Variants in PRTFDC1 observed in about 807,000 individuals in gnomAD.
PRTFDC1 encodes the protein phosphoribosyltransferase domain-containing protein 1.
PRTFDC1 carries 38 observed loss-of-function variants against 34.6 expected under a neutral mutation model. The ratio of observed to expected loss-of-function variants is 1.10; its 90% CI spans 0.85 to 1.44. The LOEUF (loss-of-function observed/expected upper bound fraction) is 1.44, where lower values mean the gene tolerates loss of function less well. Among genes scored for constraint, PRTFDC1 ranks in the 40% most tolerant of loss-of-function variants. The pLI, the probability that PRTFDC1 is intolerant of heterozygous loss-of-function variation, is 0.00. For synonymous variants in PRTFDC1, 93 were observed against 98.1 expected (o/e 0.95, Z 0.31); for missense variants, 270 against 283.0 (o/e 0.95, Z 0.33).
chr10:24,874,669 TTA>T (rs1418145021), intron 3 of PRTFDC1, among the ~76,000 whole-genome samples: 1 of 152,228 alleles, frequency 6.6e-6, no homozygotes, highest in African/African-American at 2.4e-5. Flanking sequence ...AAGTCATAGA[TTA>T]TGTTACCAAG....
intron 4 of PRTFDC1, among the ~76,000 whole-genome samples, chr10:24,866,400 G>C (rs1847778124): frequency 6.6e-6 from 1 of 151,224 alleles, no homozygotes; most frequent in African/African-American, 2.4e-5. Flanking sequence ...ACTTATTTGA[G>C]GGCAGGTTTG....
In PRTFDC1 at chr10:24,935,077, G is replaced by A. The variant is rs116494057; in HGVS notation, c.339+2107C>T. Among the ~76,000 whole-genome samples the A allele has an allele frequency of 3.8e-3, 578 of 152,278 alleles. 2 individuals carry two copies. The highest frequency in any genetic ancestry group is 0.013 in the African/African-American group (533 of 41,552). On this transcript the variant is annotated intron_variant, in intron 3 of 8. Coordinates refer to ENST00000320152, the MANE Select transcript of PRTFDC1 (RefSeq NM_020200.7). Reference sequence around the variant, plus strand: ...AGGAGGTTGACTGTGAAGGACACAAGGACATTCTTTGCATTGTTAAGGAAA... The same window carrying A: ...AGGAGGTTGACTGTGAAGGACACAAAGACATTCTTTGCATTGTTAAGGAAA...
At position 24,875,225 on chromosome 10, in the gene PRTFDC1, A is replaced by C. The variant is rs186458473; in HGVS notation, c.340-3162T>G. On this transcript the variant is annotated intron_variant, in intron 3 of 8. Coordinates refer to ENST00000320152, the MANE Select transcript of PRTFDC1 (RefSeq NM_020200.7). ...GAATGATCAGATAAGGCTAATTAGCATATCCAACACTTCAGATATTTATCA... is the reference window on the plus strand; with the variant it reads ...GAATGATCAGATAAGGCTAATTAGCCTATCCAACACTTCAGATATTTATCA... Among the ~76,000 whole-genome samples the C allele has an allele frequency of 2.6e-3, 391 of 152,358 alleles. 1 individual carries two copies. Among genetic ancestry groups the C allele is most frequent in the African/African-American group, 8.4e-3 (348 of 41,594 alleles).
intron 3 of PRTFDC1, among the ~76,000 whole-genome samples, chr10:24,899,531 G>C (rs1027541778): frequency 2.0e-5 from 3 of 152,052 alleles, no homozygotes; most frequent in Non-Finnish European, 4.4e-5. Flanking sequence ...CAAAACTTAG[G>C]GGGTGGGAAT....
At chr10:24,899,172 A>G (rs1327465782) in intron 3 of PRTFDC1, among the ~76,000 whole-genome samples, 2 of 152,120 alleles carry the variant, frequency 1.3e-5, no homozygotes, top group Non-Finnish European at 2.9e-5. Flanking sequence ...CTCCTATGAG[A>G]GCAGTGGAGT....
chr10:24,889,012 G>A (rs141739889), intron 3 of PRTFDC1, among the ~76,000 whole-genome samples: 174 of 152,224 alleles, frequency 1.1e-3, no homozygotes, highest in African/African-American at 3.8e-3. Flanking sequence ...TGGTCTGAAT[G>A]TTTGTTACCC....
chr10:24,896,456 G>A lies in PRTFDC1; in HGVS notation c.340-24393C>T, dbSNP rs1438736645. Among the ~76,000 whole-genome samples the A allele has an allele frequency of 2.0e-5, 3 of 152,318 alleles. No individual in the cohort carries two copies. The East Asian group carries it at 5.8e-4, about 29-fold the overall frequency. On this transcript the variant is annotated intron_variant, in intron 3 of 8. Transcript: ENST00000320152. ...AGGTCGGGGACTGCTCTTCTAGAGG[G>A]TGCTTCCCCAAGTCTTTAATTAGGA...
chr10:24,930,121 A>ATTATGCC (rs1848949273), intron 3 of PRTFDC1, among the ~76,000 whole-genome samples: 1 of 152,068 alleles, frequency 6.6e-6, no homozygotes, highest in Non-Finnish European at 1.5e-5. Context: ...GGACTGCTGA[A>ATTATGCC]TTATGCCTGT....
At chr10:24,880,555 A>G (rs1042140497) in intron 3 of PRTFDC1, among the ~76,000 whole-genome samples, 1 of 152,246 alleles carries the variant, frequency 6.6e-6, no homozygotes, top group African/African-American at 2.4e-5. Context: ...TTCACACAGC[A>G]GATAACACAT....
At chr10:24,935,805 A>G (rs1285267049) in intron 3 of PRTFDC1, among the ~76,000 whole-genome samples, 1 of 152,244 alleles carries the variant, frequency 6.6e-6, no homozygotes, top group Non-Finnish European at 1.5e-5. Flanking sequence ...CTGTGGGGTA[A>G]TTGATGCAAA....
intron 3 of PRTFDC1, among the ~76,000 whole-genome samples, chr10:24,934,244 GAAGGAGAAGAAGA>G (rs1564317696): frequency 4.2e-5 from 6 of 141,256 alleles, no homozygotes; most frequent in East Asian, 2.1e-4. Flanking sequence ...AGAAGAAGAA[GAAGGAGAAGAAGA>G]AGAAGAAGAA....
chr10:24,891,011 C>T (rs1848251420), intron 3 of PRTFDC1, among the ~76,000 whole-genome samples: 1 of 152,164 alleles, frequency 6.6e-6, no homozygotes, highest in African/African-American at 2.4e-5. Context: ...AGGGAGGACC[C>T]ATTTGGGAAC....
intron 4 of PRTFDC1, among the ~76,000 whole-genome samples, chr10:24,860,453 T>C (rs1847661088): frequency 6.6e-6 from 1 of 152,186 alleles, no homozygotes; most frequent in African/African-American, 2.4e-5. Flanking sequence ...CAAGATTTAA[T>C]TAATAAAAAT....
intron 2 of PRTFDC1, among the ~76,000 whole-genome samples, chr10:24,938,833 G>A (rs1381225975): frequency 1.3e-5 from 2 of 152,162 alleles, no homozygotes; most frequent in African/African-American, 2.4e-5. Context: ...TCAGGGGAAA[G>A]TAAACATCGA....
intron 3 of PRTFDC1, among the ~76,000 whole-genome samples, chr10:24,916,444 G>T (rs144877980): frequency 1.9e-4 from 29 of 152,292 alleles, no homozygotes; most frequent in Non-Finnish European, 4.0e-4. Context: ...ACAGTGGCCT[G>T]ACAGAATCTA....
intron 1 of PRTFDC1, among the ~76,000 whole-genome samples, chr10:24,951,225 C>G (rs1038243402): frequency 6.6e-6 from 1 of 152,086 alleles, no homozygotes; most frequent in Admixed American, 6.6e-5. Context: ...GCATCACTCC[C>G]CCCTTCTCCT....
At chr10:24,855,478 C>G (rs1226602240) in intron 6 of PRTFDC1, 114 bp from the exon 7 acceptor site, 1 of 1,226,766 alleles carries the variant, frequency 8.2e-7, no homozygotes, top group Non-Finnish European at 1.2e-6. Context: ...TACTGTGGCA[C>G]TATATAGATG....
At chr10:24,931,880 G>T (rs539348954) in intron 3 of PRTFDC1, among the ~76,000 whole-genome samples, 1 of 146,550 alleles carries the variant, frequency 6.8e-6, no homozygotes, top group African/African-American at 2.5e-5. Context: ...ACCAATATAA[G>T]CCTGATACCA....
At chr10:24,872,160 C>T in intron 3 of PRTFDC1, 97 bp from the exon 4 acceptor site, 1 of 1,061,226 alleles carries the variant, frequency 9.4e-7, no homozygotes, top group South Asian at 1.3e-5. Flanking sequence ...CCGGAATGTG[C>T]CTTACAAATA....
Sources: allele counts gnomAD v4.1 joint callset (sites outside exome capture counted in the v4.1 genomes callset), GRCh38; gene constraint gnomAD v4.1.1; transcripts MANE v1.5; gene names NCBI Gene and HGNC (gene_info 2026-07-23, HGNC 2026-07-21).